Variants in LOC128031837 observed in about 807,000 individuals in gnomAD.
the LOC128031837 span, chr7:112,450,551 C>T: frequency 4.3e-6 from 3 of 703,238 alleles, no homozygotes; most frequent in South Asian, 1.5e-5. Context: ...CACTCTTACC[C>T]CCGCCGCTTC....
At chr7:112,450,577 G>T in the LOC128031837 span, 1 of 801,810 alleles carries the variant, frequency 1.2e-6, no homozygotes. Flanking sequence ...TCTGTTGTTA[G>T]CCGAAGACTC....
At chr7:112,450,608 A>G in the LOC128031837 span, 3 of 1,141,874 alleles carry the variant, frequency 2.6e-6, no homozygotes, top group Admixed American at 1.7e-5. Flanking sequence ...CGCCCGCCGC[A>G]CAGACGCACG....
the LOC128031837 span, chr7:112,450,563 C>T: frequency 9.5e-6 from 7 of 737,628 alleles, no homozygotes; most frequent in Middle Eastern, 3.3e-4. Context: ...CGCCGCTTCT[C>T]GACTCTGTTG....
the LOC128031837 span, chr7:112,450,561 C>T: frequency 4.1e-6 from 3 of 727,250 alleles, no homozygotes; most frequent in Admixed American, 2.0e-5. Context: ...CCCGCCGCTT[C>T]TCGACTCTGT....
the LOC128031837 span, chr7:112,450,597 C>A: frequency 1.9e-6 from 2 of 1,025,892 alleles, no homozygotes; most frequent in South Asian, 1.3e-5. Flanking sequence ...CGCCTCTCAG[C>A]CGCCCGCCGC....
At chr7:112,450,586 T>C in the LOC128031837 span, 2 of 876,602 alleles carry the variant, frequency 2.3e-6, no homozygotes, top group Non-Finnish European at 3.8e-6. Context: ...AGCCGAAGAC[T>C]CGCCTCTCAG....
the LOC128031837 span, chr7:112,450,573 G>T: frequency 1.0e-5 from 8 of 788,018 alleles, no homozygotes; most frequent in East Asian, 2.1e-4. Flanking sequence ...CGACTCTGTT[G>T]TTAGCCGAAG....
At chr7:112,450,500 G>A in the LOC128031837 span, 1 of 629,062 alleles carries the variant, frequency 1.6e-6, no homozygotes, top group South Asian at 1.8e-5. Flanking sequence ...TATCGTTTTC[G>A]ATCACAGCTC....
chr7:112,450,492 T>C, the LOC128031837 span: 1 of 619,844 alleles, frequency 1.6e-6, no homozygotes. Context: ...GAAACATGTA[T>C]CGTTTTCGAT....
chr7:112,450,597 C>T, the LOC128031837 span: 7 of 1,025,774 alleles, frequency 6.8e-6, no homozygotes, highest in South Asian at 2.6e-5. Flanking sequence ...CGCCTCTCAG[C>T]CGCCCGCCGC....
the LOC128031837 span, chr7:112,450,536 C>G: frequency 1.5e-6 from 1 of 667,780 alleles, no homozygotes. Flanking sequence ...GCTGCCGCCA[C>G]CGCCCACTCT....
the LOC128031837 span, chr7:112,450,503 C>T: frequency 2.2e-5 from 14 of 633,222 alleles, no homozygotes; most frequent in African/African-American, 2.0e-4. Flanking sequence ...CGTTTTCGAT[C>T]ACAGCTCTTC....
At chr7:112,450,497 T>C in the LOC128031837 span, 5 of 625,070 alleles carry the variant, frequency 8.0e-6, no homozygotes, top group African/African-American at 9.2e-5. Flanking sequence ...ATGTATCGTT[T>C]TCGATCACAG....
chr7:112,450,566 C>T, the LOC128031837 span: 14 of 756,196 alleles, frequency 1.9e-5, no homozygotes, highest in African/African-American at 2.1e-4. Context: ...CGCTTCTCGA[C>T]TCTGTTGTTA....
chr7:112,450,530 C>A, the LOC128031837 span: 1 of 658,224 alleles, frequency 1.5e-6, no homozygotes, highest in South Asian at 1.7e-5. Flanking sequence ...ATTTCTGCTG[C>A]CGCCACCGCC....
At chr7:112,450,577 G>A in the LOC128031837 span, 1 of 801,814 alleles carries the variant, frequency 1.2e-6, no homozygotes, top group Non-Finnish European at 2.2e-6. Context: ...TCTGTTGTTA[G>A]CCGAAGACTC....
At chr7:112,450,603 G>T in the LOC128031837 span, 55 of 1,081,768 alleles carry the variant, frequency 5.1e-5, 1 homozygote, top group African/African-American at 3.4e-4. Context: ...TCAGCCGCCC[G>T]CCGCACAGAC....
At chr7:112,450,545 C>T in the LOC128031837 span, 1 of 694,596 alleles carries the variant, frequency 1.4e-6, no homozygotes. Flanking sequence ...ACCGCCCACT[C>T]TTACCCCCGC....
chr7:112,450,500 G>T, the LOC128031837 span: 1 of 629,062 alleles, frequency 1.6e-6, no homozygotes, highest in Non-Finnish European at 2.9e-6. Context: ...TATCGTTTTC[G>T]ATCACAGCTC....
Sources: allele counts gnomAD v4.1 joint callset, GRCh38; gene constraint gnomAD v4.1.1; transcripts MANE v1.5.